Variants in TBC1D8 observed in about 807,000 individuals in gnomAD.
TBC1D8 encodes the protein TBC1 domain family member 8.
A neutral mutation model predicts 118.8 loss-of-function variants in TBC1D8; 65 were observed. The ratio of observed to expected loss-of-function variants is 0.55; its 90% CI spans 0.45 to 0.67. The LOEUF is 0.67. Ranked by LOEUF, TBC1D8 falls within the 30% of genes least tolerant of loss-of-function variation. TBC1D8 has a pLI of 0.00. For synonymous variants in TBC1D8, 566 were observed against 595.8 expected, an observed-to-expected ratio of 0.95 and a Z score of 0.73; for missense variants, 1,376 against 1,471.2, an observed-to-expected ratio of 0.94 and a Z score of 1.06.
intron 1 of TBC1D8, among the ~76,000 whole-genome samples, chr2:101,129,737 C>G (rs13386309): frequency 0.072 from 10,896 of 151,750 alleles, 1,362 homozygotes; most frequent in African/African-American, 0.25. Flanking sequence ...AACCCCATCT[C>G]TACTAAAAAT....
In TBC1D8 at chr2:101,127,682, C is replaced by T. The variant is rs74780408; in HGVS notation, c.127+23445G>A. The stretch of plus-strand genomic sequence containing the variant: ...CCTCCCAAAGTGCTGGGATTACAAA[C>T]TTAGCAACCACACCCAGCCTTGTTG... On this transcript the variant is annotated intron_variant, in intron 1 of 19. Transcript: ENST00000409318. 1.4e-4 allele frequency among the ~76,000 whole-genome samples: 22 copies of T among 152,250 alleles called. No individual in the cohort carries two copies. The East Asian group carries it at 3.7e-3, about 25-fold the overall frequency.
chr2:101,079,680 G>GTTTTTTTTTTTTTTTTTTTT (rs35466679), intron 2 of TBC1D8, among the ~76,000 whole-genome samples: 1 of 81,792 alleles, frequency 1.2e-5, no homozygotes, highest in African/African-American at 4.9e-5. Flanking sequence ...GTCCAGTCTG[G>GTTTTTTTTTTTTTTTTTTTT]TTTTTTTTTT....
chr2:101,014,551 G>T (rs1679472443), intron 17 of TBC1D8, among the ~76,000 whole-genome samples: 1 of 152,062 alleles, frequency 6.6e-6, no homozygotes, highest in Non-Finnish European at 1.5e-5. Flanking sequence ...TTCCCTGAGG[G>T]AGGCTCTTAA....
intron 5 of TBC1D8, among the ~76,000 whole-genome samples, chr2:101,045,288 T>C (rs1558649926): frequency 1.3e-5 from 2 of 152,202 alleles, no homozygotes; most frequent in Admixed American, 1.3e-4. Context: ...AATCCAGAGT[T>C]ATATTTGTCT....
intron 2 of TBC1D8, among the ~76,000 whole-genome samples, chr2:101,085,773 C>A (rs944893920): frequency 6.6e-6 from 1 of 152,180 alleles, no homozygotes; most frequent in Non-Finnish European, 1.5e-5. Flanking sequence ...ATAAAACAAG[C>A]ACTCACAGAT....
chr2:101,015,417 ATTC>A (rs1346610570), intron 17 of TBC1D8, among the ~76,000 whole-genome samples: 13 of 152,184 alleles, frequency 8.5e-5, no homozygotes, highest in Admixed American at 2.6e-4. Context: ...TTTTAAAAAT[ATTC>A]TTCTTCATCT....
Position 101,054,338 on chromosome 2 carries a change from T to C in TBC1D8, c.403-2A>G. 1.3e-6 allele frequency: 2 copies of C among 1,557,040 alleles called. No homozygotes were observed. Among genetic ancestry groups the C allele is most frequent in the East Asian group, 4.8e-5 (2 of 41,436 alleles). On this transcript the variant is annotated splice_acceptor_variant, in intron 3 of 19. Transcript: ENST00000409318. LOFTEE classifies it high-confidence loss of function. ...GCTGGTCTCCTCGGCTATCAGAGCC[T>C]GACACACAGAGATGACAGTCCCTGC...
At chr2:101,060,909 C>T (rs761656362) in intron 2 of TBC1D8, among the ~76,000 whole-genome samples, 38 of 152,024 alleles carry the variant, frequency 2.5e-4, no homozygotes, top group Non-Finnish European at 4.3e-4. Context: ...AGATATGGAC[C>T]GGGTGCAGTG....
intron 2 of TBC1D8, among the ~76,000 whole-genome samples, chr2:101,078,203 G>A (rs939210349): frequency 1.3e-5 from 2 of 152,170 alleles, no homozygotes; most frequent in African/African-American, 4.8e-5. Context: ...CTTCCGTTCA[G>A]ACAGCTCTGT....
intron 7 of TBC1D8, among the ~76,000 whole-genome samples, chr2:101,038,000 G>A (rs911964203): frequency 2.6e-5 from 4 of 152,056 alleles, no homozygotes; most frequent in African/African-American, 7.2e-5. Flanking sequence ...ACAGGAGGAC[G>A]GCCACCCTGA....
Position 101,010,988 on chromosome 2 carries a change from T to A in TBC1D8, c.2956A>T (p.Ile986Phe). ...VDYQKQLKQM[I>F]KDLAKEKDKT... ...TCTTTTTCTTTGGCTAAATCCTTAA[T>A]CATCTGCTTCAGCTGTTTCTGATAA... Residue 986 changes from isoleucine to phenylalanine, a missense_variant, in exon 19 of 20, where the codon ATT becomes TTT. Transcript: ENST00000409318. 3.1e-6 allele frequency: 5 copies of A among 1,613,110 alleles called. No individual in the cohort carries two copies. The highest frequency in any genetic ancestry group is 3.4e-6 in the Non-Finnish European group (4 of 1,179,886).
intron 12 of TBC1D8, chr2:101,028,645 T>G (rs1680494431): frequency 1.9e-6 from 1 of 536,902 alleles, no homozygotes. Context: ...TTTCCAGGCC[T>G]GAAACTCTCC....
intron 1 of TBC1D8, chr2:101,109,803 T>G (rs1255948178): frequency 2.0e-6 from 2 of 985,454 alleles, no homozygotes; most frequent in African/African-American, 3.5e-5. Context: ...AGGCAAACAC[T>G]TATTTTTAAA....
At position 101,029,726 on chromosome 2, in the gene TBC1D8, G is replaced by A; in HGVS notation, c.1987C>T (p.Pro663Ser). The A allele has an allele frequency of 6.2e-7, 1 of 1,613,988 alleles. No individual in the cohort carries two copies. Among genetic ancestry groups the A allele is most frequent in the South Asian group, 1.1e-5 (1 of 91,082 alleles). Residue 663 changes from proline (P) to serine (S), a missense_variant, in exon 12 of 20, where the codon CCA (proline) becomes TCA (serine). Transcript: ENST00000409318. Reference protein sequence around the residue: ...VFEELIKGHLPELAEHMNDLS... With the variant: ...VFEELIKGHLSELAEHMNDLS... Reference sequence around the variant, plus strand: ...TCGTTCATGTGCTCTGCCAGCTCTGGGAGATGACCCTTGATGAGCTCCTCG... The same window carrying A: ...TCGTTCATGTGCTCTGCCAGCTCTGAGAGATGACCCTTGATGAGCTCCTCG...
intron 3 of TBC1D8, among the ~76,000 whole-genome samples, chr2:101,058,916 T>C (rs1682594856): frequency 6.6e-6 from 1 of 152,062 alleles, no homozygotes; most frequent in Non-Finnish European, 1.5e-5. Flanking sequence ...TTTTTATTTT[T>C]TTTTTTTGAG....
chr2:101,134,764 T>C (rs1053451227), intron 1 of TBC1D8, among the ~76,000 whole-genome samples: 2 of 152,166 alleles, frequency 1.3e-5, no homozygotes, highest in Non-Finnish European at 2.9e-5. Context: ...TTCAACACAG[T>C]AATTTAGGGG....
intron 4 of TBC1D8, among the ~76,000 whole-genome samples, chr2:101,052,064 C>T (rs1407518851): frequency 1.3e-5 from 2 of 152,212 alleles, no homozygotes; most frequent in African/African-American, 4.8e-5. Context: ...TAAACTTCAA[C>T]AGTTATGCAA....
chr2:101,038,330 A>T, intron 7 of TBC1D8, 131 bp downstream of exon 7: 1 of 1,087,680 alleles, frequency 9.2e-7, no homozygotes, highest in East Asian at 2.4e-5. Context: ...GCACATCAGA[A>T]ATGACAGCAG....
At chr2:101,057,534 A>C (rs1020016392) in intron 3 of TBC1D8, among the ~76,000 whole-genome samples, 1 of 152,168 alleles carries the variant, frequency 6.6e-6, no homozygotes, top group African/African-American at 2.4e-5. Flanking sequence ...TGTTCAAATA[A>C]AGTCTGTTTG....
Sources: gnomAD v4.1 joint callset for allele counts (sites outside exome capture counted in the v4.1 genomes callset) on GRCh38, gnomAD v4.1.1 for gene constraint, MANE v1.5 for transcripts, NCBI Gene and HGNC (gene_info 2026-07-23, HGNC 2026-07-21) for gene names.